AOPEP: variants seen among roughly 807,000 people sequenced by gnomAD.
The protein encoded by AOPEP is aminopeptidase O (putative).
AOPEP carries 77 observed loss-of-function variants against 98.1 expected under a neutral mutation model. That is an observed-to-expected ratio of 0.78 (90% confidence interval 0.65 to 0.95). AOPEP has a LOEUF of 0.95. AOPEP is among the 40% of genes least tolerant of loss of function. The pLI is 0.00. For missense variants in AOPEP, 1,024 were observed against 1,024.7 expected, an observed-to-expected ratio of 1.00 and a Z score of 0.01; for synonymous variants, 346 against 365.3, an observed-to-expected ratio of 0.95 and a Z score of 0.60.
At chr9:95,054,874 T>C (rs1034194524) in intron 13 of AOPEP, among the ~76,000 whole-genome samples, 1 of 152,244 alleles carries the variant, frequency 6.6e-6, no homozygotes, top group Non-Finnish European at 1.5e-5. Flanking sequence ...AATTGATTGA[T>C]TTTCTTTATT....
chr9:95,135,025 T>C, the AOPEP span, among the ~76,000 whole-genome samples: 1 of 152,380 alleles, frequency 6.6e-6, no homozygotes, highest in South Asian at 2.1e-4. Flanking sequence ...TACCCATATG[T>C]TCATTTCCAA....
At chr9:94,763,514 A>C (rs1838852824) in intron 2 of AOPEP, 1 of 155,670 alleles carries the variant, frequency 6.4e-6, no homozygotes, top group Admixed American at 6.5e-5. Context: ...GTATACACAC[A>C]CTGTATCTTG....
intron 3 of AOPEP, among the ~76,000 whole-genome samples, chr9:94,783,846 T>C (rs1259041291): frequency 6.6e-6 from 1 of 152,160 alleles, no homozygotes; most frequent in Admixed American, 6.6e-5. Context: ...TCATAACATA[T>C]ATAATAGTTT....
rs541486482 is a variant in AOPEP, at chr9:94,906,634, C to T, written c.1365-17352C>T. On this transcript the variant is annotated intron_variant, in intron 5 of 16. Coordinates refer to ENST00000375315, the MANE Select transcript of AOPEP (RefSeq NM_001193329.3). ...AGTAAACTACGATTGTGCCACTGCACTCCAATCTGGGTAACAGAGTGAGAC... is the reference window on the plus strand; with the variant it reads ...AGTAAACTACGATTGTGCCACTGCATTCCAATCTGGGTAACAGAGTGAGAC... Among the ~76,000 whole-genome samples the T allele has an allele frequency of 3.9e-5, 6 of 152,258 alleles. No individual in the cohort carries two copies. In the South Asian group the frequency reaches 8.3e-4, roughly 21 times the overall value.
intron 13 of AOPEP, 28 bp downstream of exon 13, chr9:95,005,644 G>T (rs1321172286): frequency 2.5e-6 from 4 of 1,592,788 alleles, no homozygotes; most frequent in Non-Finnish European, 3.4e-6. Flanking sequence ...GGTACTCGGT[G>T]CAGGTCTTGG....
At chr9:94,792,420 TGTGTTGGATGAATGAGAC>T in intron 3 of AOPEP, among the ~76,000 whole-genome samples, 1 of 152,154 alleles carries the variant, frequency 6.6e-6, no homozygotes, top group Non-Finnish European at 1.5e-5. Flanking sequence ...TGCTAAATAC[TGTGTTGGATGAATGAGAC>T]GTATTCTGTC....
Position 94,760,093 on chromosome 9 carries a change from A to T in AOPEP, c.310A>T (p.Lys104Ter), listed in dbSNP as rs1389449887. ...ATATAATGATTTTGCAATCTGTAGTAAAGGTGAAAAAGATACTTCTGATAA... is the reference window on the plus strand; with the variant it reads ...ATATAATGATTTTGCAATCTGTAGTTAAGGTGAAAAAGATACTTCTGATAA... ...MEYNDFAICS[K>*]GEKDTSDKDG... The change falls in exon 2 of 17, where the codon AAA becomes TAA. Residue 104 changes from lysine to a stop codon, truncating the protein, a stop_gained. Coordinates refer to ENST00000375315, the MANE Select transcript of AOPEP (RefSeq NM_001193329.3). LOFTEE classifies it high-confidence loss of function. 25 of 1,614,200 alleles carry T rather than the reference A, an allele frequency of 1.5e-5. No homozygotes were observed. Among genetic ancestry groups the T allele is most frequent in the Non-Finnish European group, 2.0e-5 (24 of 1,180,020 alleles).
At chr9:95,051,093 T>TG (rs1286014964) in intron 13 of AOPEP, among the ~76,000 whole-genome samples, 3 of 148,926 alleles carry the variant, frequency 2.0e-5, no homozygotes, top group African/African-American at 4.9e-5. Context: ...GGCTTACTTT[T>TG]TTTTTTTTTT....
intron 13 of AOPEP, among the ~76,000 whole-genome samples, chr9:95,041,028 C>G (rs2065241525): frequency 7.1e-6 from 1 of 139,998 alleles, no homozygotes; most frequent in South Asian, 2.4e-4. Context: ...AGTTCCATGA[C>G]AGAGTTAAGT....
chr9:95,007,944 T>C (rs964777295), intron 13 of AOPEP, among the ~76,000 whole-genome samples: 5 of 152,352 alleles, frequency 3.3e-5, no homozygotes, highest in Admixed American at 6.5e-5. Flanking sequence ...CTGTTGAGTC[T>C]AATAAGTTAT....
At chr9:95,105,552 C>T in the AOPEP span, among the ~76,000 whole-genome samples, 1 of 152,084 alleles carries the variant, frequency 6.6e-6, no homozygotes, top group African/African-American at 2.4e-5. Context: ...CTGTTTTACC[C>T]ATTTGTGTAA....
chr9:95,137,139 G>T, the AOPEP span, among the ~76,000 whole-genome samples: 1 of 152,232 alleles, frequency 6.6e-6, no homozygotes, highest in Non-Finnish European at 1.5e-5. Flanking sequence ...CCCCTTCAAG[G>T]CCTGTCCCTT....
At chr9:94,967,303 G>A (rs1236005248) in intron 9 of AOPEP, among the ~76,000 whole-genome samples, 2 of 152,100 alleles carry the variant, frequency 1.3e-5, no homozygotes, top group African/African-American at 4.8e-5. Flanking sequence ...GTTCCTTGAT[G>A]GCATATTTAT....
At chr9:94,925,839 C>T (rs1222739274) in intron 6 of AOPEP, among the ~76,000 whole-genome samples, 2 of 152,208 alleles carry the variant, frequency 1.3e-5, no homozygotes, top group Non-Finnish European at 2.9e-5. Context: ...CTCCCCAAGC[C>T]TCCGTTTCCT....
intron 10 of AOPEP, among the ~76,000 whole-genome samples, chr9:94,971,635 G>A (rs996892128): frequency 1.3e-5 from 2 of 152,202 alleles, no homozygotes; most frequent in Non-Finnish European, 2.9e-5. Context: ...AGACCAGTCT[G>A]TCAGTGTTCA....
the AOPEP span, among the ~76,000 whole-genome samples, chr9:95,094,878 C>G: frequency 6.6e-6 from 1 of 152,198 alleles, no homozygotes; most frequent in Admixed American, 6.5e-5. Context: ...GTTGGCCAGG[C>G]TGGTCTTGAA....
chr9:94,779,154 A>G (rs1842772240), intron 3 of AOPEP, among the ~76,000 whole-genome samples: 1 of 152,176 alleles, frequency 6.6e-6, no homozygotes, highest in East Asian at 1.9e-4. Flanking sequence ...CTTGCTGGCA[A>G]TTGTCCAGTC....
At chr9:94,735,411 A>G (rs908301344) in intron 1 of AOPEP, among the ~76,000 whole-genome samples, 4 of 151,934 alleles carry the variant, frequency 2.6e-5, no homozygotes, top group Non-Finnish European at 4.4e-5. Context: ...TAGTAGAGAC[A>G]GGGTTTCACC....
intron 5 of AOPEP, among the ~76,000 whole-genome samples, chr9:94,822,906 C>T (rs1267093157): frequency 1.3e-5 from 2 of 152,026 alleles, no homozygotes; most frequent in African/African-American, 2.4e-5. Flanking sequence ...GTGATAGTGC[C>T]GAAATTCTAC....
Sources: gnomAD v4.1 joint callset for allele counts (sites outside exome capture counted in the v4.1 genomes callset) on GRCh38, gnomAD v4.1.1 for gene constraint, MANE v1.5 for transcripts, NCBI Gene and HGNC (gene_info 2026-07-23, HGNC 2026-07-21) for gene names.